The following DOCK2 variants were observed in gnomAD, a reference collection of about 807,000 sequenced individuals.
DOCK2 encodes dedicator of cytokinesis 2, also known as dedicator of cytokinesis protein 2.
Under a neutral mutation model 248.9 loss-of-function variants are expected in DOCK2, and 87 were observed. The ratio of observed to expected loss-of-function variants is 0.35; its 90% CI spans 0.29 to 0.42. The LOEUF is 0.42. Ranked by LOEUF, DOCK2 falls within the 10% of genes least tolerant of loss-of-function variation. The pLI is 1.00. For missense variants in DOCK2, 1,747 were observed against 2,300.2 expected, an observed-to-expected ratio of 0.76 and a Z score of 4.92; for synonymous variants, 805 against 821.6, an observed-to-expected ratio of 0.98 and a Z score of 0.35.
chr5:169,735,607 A>G (rs1274896395), intron 22 of DOCK2, among the ~76,000 whole-genome samples: 1 of 152,192 alleles, frequency 6.6e-6, no homozygotes, highest in Non-Finnish European at 1.5e-5. Context: ...ATTTATTTGT[A>G]TAAATTCCTT....
intron 26 of DOCK2, among the ~76,000 whole-genome samples, chr5:169,817,823 G>T (rs573044713): frequency 1.3e-5 from 2 of 152,258 alleles, no homozygotes; most frequent in East Asian, 3.9e-4. Context: ...GCATAGTGCC[G>T]AACTCCGAGC....
At chr5:169,751,636 G>A (rs772166891) in intron 23 of DOCK2, among the ~76,000 whole-genome samples, 1 of 152,214 alleles carries the variant, frequency 6.6e-6, no homozygotes, top group Non-Finnish European at 1.5e-5. Context: ...ACCTAAGCAA[G>A]TTATTGCCCA....
chr5:170,060,858 C>T (rs376766797), intron 44 of DOCK2, among the ~76,000 whole-genome samples: 3 of 152,058 alleles, frequency 2.0e-5, no homozygotes, highest in Admixed American at 6.5e-5. Flanking sequence ...GGTGAAACCC[C>T]GTCTCTACTA....
intron 27 of DOCK2, among the ~76,000 whole-genome samples, chr5:169,848,945 C>A (rs775389114): frequency 6.6e-6 from 1 of 152,034 alleles, no homozygotes; most frequent in Non-Finnish European, 1.5e-5. Flanking sequence ...CCTGGGACAC[C>A]AAATTGGAAA....
chr5:170,040,676 T>C (rs1756485291), intron 36 of DOCK2: 1 of 214,260 alleles, frequency 4.7e-6, no homozygotes, highest in South Asian at 8.8e-5. Flanking sequence ...CTCCTTCCTT[T>C]ATTTCTCTTG....
At chr5:170,013,954 AAT>A (rs1755409353) in intron 32 of DOCK2, among the ~76,000 whole-genome samples, 1 of 152,074 alleles carries the variant, frequency 6.6e-6, no homozygotes, top group Admixed American at 6.6e-5. Flanking sequence ...GCGAAGGGGA[AAT>A]AGCTGTAGAA....
At chr5:169,777,942 C>T (rs990789872) in intron 25 of DOCK2, among the ~76,000 whole-genome samples, 1 of 152,180 alleles carries the variant, frequency 6.6e-6, no homozygotes, top group African/African-American at 2.4e-5. Flanking sequence ...TGAATTCATC[C>T]CTCCGTCTTC....
At chr5:169,963,623 G>A (rs190239827) in intron 27 of DOCK2, among the ~76,000 whole-genome samples, 50 of 152,314 alleles carry the variant, frequency 3.3e-4, no homozygotes, top group African/African-American at 9.9e-4. Context: ...CAAAGCAGGA[G>A]TTACTGATCT....
In DOCK2 at chr5:169,684,386, A is replaced by G. The variant is rs750077012; in HGVS notation, c.761+36A>G. The G allele has an allele frequency of 8.7e-6, 14 of 1,609,576 alleles. No homozygotes were observed. In the East Asian group the frequency reaches 2.7e-4, roughly 31 times the overall value. ...CCAGGGTTGCCCTACTTCTCTGACT[A>G]TGGGAAGCAGTGCACAGAGCATCTT... is the stretch of plus-strand genomic sequence containing the variant. On this transcript the variant is annotated intron_variant, in intron 8 of 51. Transcript: ENST00000520908.
At position 169,795,753 on chromosome 5, in the gene DOCK2, G is replaced by A. The variant is rs528455410; in HGVS notation, c.2555-7305G>A. Among the ~76,000 whole-genome samples, 28 of 152,224 alleles carry A rather than the reference G, an allele frequency of 1.8e-4. No individual in the cohort carries two copies. The South Asian group carries it at 4.2e-3, about 23-fold the overall frequency. On this transcript the variant is annotated intron_variant, in intron 25 of 51. Transcript: ENST00000520908. ...TGGCTTTCAACATCTGCAAATGCTCGCAAACCGAACAGAAGAAAAGCAGCC... is the reference window on the plus strand; with the variant it reads ...TGGCTTTCAACATCTGCAAATGCTCACAAACCGAACAGAAGAAAAGCAGCC...
rs756448645 is a variant in DOCK2, at chr5:169,950,328, G to A, written c.2800-32740G>A. Among the ~76,000 whole-genome samples the A allele has an allele frequency of 6.6e-5, 10 of 152,308 alleles. No individual in the cohort carries two copies. The East Asian group carries it at 9.6e-4, about 15-fold the overall frequency. Reference sequence around the variant, plus strand: ...TCATAGGGTTGTTTTAGGATTAAGAGCATTGATATATGCAAAGCGCTTAGT... The same window carrying A: ...TCATAGGGTTGTTTTAGGATTAAGAACATTGATATATGCAAAGCGCTTAGT... On this transcript the variant is annotated intron_variant, in intron 27 of 51. Coordinates refer to ENST00000520908, the MANE Select transcript of DOCK2 (RefSeq NM_004946.3).
intron 1 of DOCK2, among the ~76,000 whole-genome samples, chr5:169,640,031 T>C (rs1004495816): frequency 1.3e-5 from 2 of 152,260 alleles, no homozygotes; most frequent in African/African-American, 4.8e-5. Flanking sequence ...TTCATTGCTT[T>C]CTGTGCAGGC....
At chr5:169,998,256 C>T (rs192165751) in intron 30 of DOCK2, among the ~76,000 whole-genome samples, 355 of 152,314 alleles carry the variant, frequency 2.3e-3, no homozygotes, top group Non-Finnish European at 3.9e-3. Flanking sequence ...AGACCTTGAA[C>T]ACACAACAAC....
At chr5:169,720,060 A>G (rs1762109037) in intron 22 of DOCK2, among the ~76,000 whole-genome samples, 1 of 152,260 alleles carries the variant, frequency 6.6e-6, no homozygotes, top group African/African-American at 2.4e-5. Flanking sequence ...CAGGTTATGA[A>G]TAGAAAGATG....
chr5:169,708,104 C>T, intron 14 of DOCK2, 65 bp from the exon 15 acceptor site: 2 of 1,562,476 alleles, frequency 1.3e-6, no homozygotes, highest in Non-Finnish European at 1.7e-6. Context: ...AGGGACCAAA[C>T]CTGCACAAGC....
chr5:169,793,115 G>A (rs1436751446), intron 25 of DOCK2, among the ~76,000 whole-genome samples: 1 of 152,152 alleles, frequency 6.6e-6, no homozygotes. Context: ...CTTGCCAGTT[G>A]AGGCCAGGAA....
chr5:169,698,746 A>C (rs1363585516), intron 11 of DOCK2, among the ~76,000 whole-genome samples: 4 of 152,250 alleles, frequency 2.6e-5, no homozygotes, highest in Non-Finnish European at 5.9e-5. Flanking sequence ...CCCTGTCTTC[A>C]TGGAGCTCAT....
At chr5:169,759,617 G>A (rs2113733277) in intron 23 of DOCK2, 88 bp from the exon 24 acceptor site, 1 of 1,408,194 alleles carries the variant, frequency 7.1e-7, no homozygotes, top group Non-Finnish European at 1.0e-6. Context: ...ATTCTCCTCT[G>A]ATCTGTGTCA....
At chr5:169,762,413 G>A (rs1764540859) in intron 25 of DOCK2, among the ~76,000 whole-genome samples, 1 of 152,178 alleles carries the variant, frequency 6.6e-6, no homozygotes, top group Non-Finnish European at 1.5e-5. Flanking sequence ...CAGAAGTTAT[G>A]TTCAGAGCTT....
Sources: allele counts gnomAD v4.1 joint callset (sites outside exome capture counted in the v4.1 genomes callset), GRCh38; gene constraint gnomAD v4.1.1; transcripts MANE v1.5; gene names NCBI Gene and HGNC (gene_info 2026-07-23, HGNC 2026-07-21).